Variants in SMARCA2 observed in about 807,000 individuals in gnomAD.
SMARCA2 encodes SWI/SNF-related matrix-associated actin-dependent regulator of chromatin subfamily A member 2.
In SMARCA2, 61 loss-of-function variants were observed where a neutral mutation model predicts 199.8. The observed-to-expected ratio is 0.31, with a 90% confidence interval of 0.25 to 0.38. The LOEUF (loss-of-function observed/expected upper bound fraction) is 0.38. Ranked by LOEUF, SMARCA2 falls within the 10% of genes least tolerant of loss-of-function variation. The pLI is 1.00. For missense variants in SMARCA2, 1,344 were observed against 2,012.2 expected (o/e 0.67, Z 6.35); for synonymous variants, 935 against 732.0 (o/e 1.28, Z -4.48).
At chr9:2,064,388 A>AAT (rs1406516279) in intron 9 of SMARCA2, among the ~76,000 whole-genome samples, 1 of 152,236 alleles carries the variant, frequency 6.6e-6, no homozygotes, top group Non-Finnish European at 1.5e-5. Context: ...TGTAGTGAGG[A>AAT]TTACACGGGA....
At chr9:2,069,772 T>TTTTATTGAGGG (rs1821011733) in intron 9 of SMARCA2, among the ~76,000 whole-genome samples, 1 of 152,116 alleles carries the variant, frequency 6.6e-6, no homozygotes, top group African/African-American at 2.4e-5. Flanking sequence ...AGGGTGCAAT[T>TTTTATTGAGGG]TGATTTTTAT....
At position 2,119,388 on chromosome 9, in the gene SMARCA2, C is replaced by A; in HGVS notation, c.3685-70C>A. ...AATGGGACCCCTCTGGTCTGGAGGACAGATCACTTACTTGTTTGTACCTTG... is the reference window on the plus strand; with the variant it reads ...AATGGGACCCCTCTGGTCTGGAGGAAAGATCACTTACTTGTTTGTACCTTG... On this transcript the variant is annotated intron_variant, in intron 25 of 33. Transcript: ENST00000349721. The surrounding 1 kb of genome is among the most constrained non-coding windows in gnomAD (Gnocchi z 4.6). 1 of 995,208 alleles carries A rather than the reference C, an allele frequency of 1.0e-6. No homozygotes were observed. The highest frequency in any genetic ancestry group is 1.6e-6 in the Non-Finnish European group (1 of 618,148). The allele number at this position is 995,208 out of a possible 1,614,324, so 61.6% of individuals were successfully genotyped here.
intron 27 of SMARCA2, among the ~76,000 whole-genome samples, chr9:2,143,007 A>G (rs1824540375): frequency 6.6e-6 from 1 of 152,186 alleles, no homozygotes; most frequent in Non-Finnish European, 1.5e-5. Flanking sequence ...TTTCGGGATG[A>G]TAGGAGATTC....
At chr9:2,088,780 A>T (rs1028876679) in intron 19 of SMARCA2, among the ~76,000 whole-genome samples, 167 bp downstream of exon 19, 2 of 152,134 alleles carry the variant, frequency 1.3e-5, no homozygotes, top group African/African-American at 4.8e-5. Context: ...TAGAGAGAGC[A>T]GGGAAATTAT....
At chr9:2,142,236 G>A (rs1406714631) in intron 27 of SMARCA2, among the ~76,000 whole-genome samples, 4 of 152,198 alleles carry the variant, frequency 2.6e-5, no homozygotes, top group African/African-American at 9.6e-5. Flanking sequence ...AAGACAAAAT[G>A]ACATCAAATT....
chr9:2,150,971 TAC>T (rs1825034851), intron 27 of SMARCA2, among the ~76,000 whole-genome samples: 1 of 151,574 alleles, frequency 6.6e-6, no homozygotes, highest in African/African-American at 2.4e-5. Context: ...TATCTCAAAA[TAC>T]AGTCACAATC....
chr9:2,097,063 G>T (rs1266153472), intron 20 of SMARCA2: 2 of 492,124 alleles, frequency 4.1e-6, no homozygotes, highest in African/African-American at 3.9e-5. Context: ...TTAAAATCCA[G>T]TTTCACTCCC....
At chr9:2,055,484 TAGTC>T (rs1190002731) in intron 6 of SMARCA2, 1 of 152,366 alleles carries the variant, frequency 6.6e-6, no homozygotes, top group Admixed American at 6.5e-5. Context: ...GTTTCATTGT[TAGTC>T]AGATGGGTTT....
chr9:2,070,335 C>G, intron 9 of SMARCA2, 83 bp from the exon 10 acceptor site: 1 of 1,062,998 alleles, frequency 9.4e-7, no homozygotes, highest in South Asian at 1.3e-5. Flanking sequence ...CAATGAAATC[C>G]TATTACATAC....
intron 29 of SMARCA2, among the ~76,000 whole-genome samples, chr9:2,178,220 C>T (rs1368590400): frequency 6.6e-6 from 1 of 152,130 alleles, no homozygotes; most frequent in Non-Finnish European, 1.5e-5. Flanking sequence ...TCCACCAACA[C>T]CTGTGAACCG....
Position 2,162,568 on chromosome 9 carries a change from A to T in SMARCA2, c.4199+665A>T, listed in dbSNP as rs533898909. On this transcript the variant is annotated intron_variant, in intron 28 of 33. Transcript: ENST00000349721. Reference sequence around the variant, plus strand: ...TGTAGGGTGTCAGTCAGATCCATACAGTAGATGAACTAGTTAGGCTACGTT... The same window carrying T: ...TGTAGGGTGTCAGTCAGATCCATACTGTAGATGAACTAGTTAGGCTACGTT... Among the ~76,000 whole-genome samples the T allele has an allele frequency of 6.8e-4, 104 of 152,364 alleles. 1 individual carries two copies. The highest frequency in any genetic ancestry group is 2.4e-3 in the African/African-American group (100 of 41,582).
chr9:2,050,965 C>A (rs538160891), intron 5 of SMARCA2, among the ~76,000 whole-genome samples: 1 of 152,326 alleles, frequency 6.6e-6, no homozygotes, highest in Admixed American at 6.5e-5. Context: ...TTTCTGTACT[C>A]GTGAGGACGC....
chr9:2,160,521 G>T (rs932581240), intron 27 of SMARCA2: 30 of 658,888 alleles, frequency 4.6e-5, no homozygotes, highest in Non-Finnish European at 6.7e-5. Context: ...GTACATAAGT[G>T]AAAGAAATTA....
intron 8 of SMARCA2, among the ~76,000 whole-genome samples, chr9:2,060,118 C>CAAAAAAAAAAAAGAAAA (rs1820519734): frequency 1.6e-5 from 1 of 62,388 alleles, no homozygotes; most frequent in African/African-American, 4.4e-5. Context: ...GATCTGTGGC[C>CAAAAAAAAAAAAGAAAA]AAAAAAAAAA....
chr9:2,079,156 G>A (rs76328512), intron 14 of SMARCA2, among the ~76,000 whole-genome samples: 5,099 of 152,112 alleles, frequency 0.034, 235 homozygotes, highest in African/African-American at 0.1. Flanking sequence ...GACCCCTCTT[G>A]TTAATTCACA....
intron 24 of SMARCA2, among the ~76,000 whole-genome samples, chr9:2,112,819 G>A (rs983326656): frequency 2.0e-5 from 3 of 152,184 alleles, no homozygotes; most frequent in Non-Finnish European, 4.4e-5. Context: ...AGATCCATCT[G>A]AGTTTTCATT....
Position 2,123,688 on chromosome 9 carries a change from C to G in SMARCA2, c.3763-31C>G. 1.2e-6 allele frequency: 2 copies of G among 1,600,896 alleles called. No homozygotes were observed. Among genetic ancestry groups the G allele is most frequent in the Non-Finnish European group, 1.7e-6 (2 of 1,169,158 alleles). ...AGTCTGCACCATACAGAAGCCCTGA[C>G]TTTCGGTGACCCTCTTATTAATGTC... is the stretch of plus-strand genomic sequence containing the variant. On this transcript the variant is annotated intron_variant, in intron 26 of 33. Transcript: ENST00000349721. This position sits in a 1 kb window ranked among gnomAD's most constrained non-coding sequence, Gnocchi z 4.1.
chr9:2,069,623 T>C (rs1235975790), intron 9 of SMARCA2, among the ~76,000 whole-genome samples: 1 of 151,716 alleles, frequency 6.6e-6, no homozygotes, highest in Non-Finnish European at 1.5e-5. Context: ...CTGCATAAAA[T>C]TTTCCCATTT....
At chr9:2,124,734 C>T (rs185173098) in intron 27 of SMARCA2, among the ~76,000 whole-genome samples, 2 of 152,224 alleles carry the variant, frequency 1.3e-5, no homozygotes, top group East Asian at 3.9e-4. Flanking sequence ...AATCTCAGAA[C>T]GTTCCTTGGG....
Sources: allele counts gnomAD v4.1 joint callset (sites outside exome capture counted in the v4.1 genomes callset), GRCh38; gene constraint gnomAD v4.1.1; non-coding constraint Gnocchi (gnomAD v3.1); transcripts MANE v1.5; gene names NCBI Gene and HGNC (gene_info 2026-07-23, HGNC 2026-07-21).